The following LMX1A variants were observed in gnomAD, a reference collection of about 807,000 sequenced individuals.
LMX1A encodes LIM homeobox transcription factor 1 alpha.
In LMX1A, 15 loss-of-function variants were observed where a neutral mutation model predicts 49.1. The ratio of observed to expected loss-of-function variants is 0.31; its 90% CI spans 0.20 to 0.47. LMX1A has a LOEUF of 0.47. Ranked by LOEUF, LMX1A falls within the 20% of genes least tolerant of loss-of-function variation. The probability of loss-of-function intolerance (pLI) is 1.00; values close to 1 mark genes in which losing one functional copy is unlikely to be tolerated. For missense variants in LMX1A, 372 were observed against 475.8 expected (o/e 0.78, Z 2.03); for synonymous variants, 167 against 185.7 (o/e 0.90, Z 0.82).
At chr1:165,339,257 G>C (rs1161815139) in intron 3 of LMX1A, among the ~76,000 whole-genome samples, 1 of 152,206 alleles carries the variant, frequency 6.6e-6, no homozygotes, top group South Asian at 2.1e-4. Flanking sequence ...TGTTACTGCA[G>C]TCTGGTTAAC....
chr1:165,291,891 G>C (rs1488911186), intron 3 of LMX1A, among the ~76,000 whole-genome samples: 2 of 151,654 alleles, frequency 1.3e-5, no homozygotes, highest in Non-Finnish European at 2.9e-5. Flanking sequence ...GTGAAACCCC[G>C]TCTCTACTAA....
At chr1:165,256,774 G>A (rs965837497) in intron 3 of LMX1A, among the ~76,000 whole-genome samples, 5 of 152,074 alleles carry the variant, frequency 3.3e-5, no homozygotes, top group Non-Finnish European at 5.9e-5. Flanking sequence ...AGACAAGAAT[G>A]TTTCAAAAGC....
chr1:165,330,701 C>T (rs1407610665), intron 3 of LMX1A, among the ~76,000 whole-genome samples: 1 of 152,144 alleles, frequency 6.6e-6, no homozygotes, highest in African/African-American at 2.4e-5. Flanking sequence ...TTTAGTCATA[C>T]AGGGTAACTA....
intron 3 of LMX1A, among the ~76,000 whole-genome samples, chr1:165,347,181 A>AG (rs1277635691): frequency 6.6e-6 from 1 of 152,194 alleles, no homozygotes; most frequent in Non-Finnish European, 1.5e-5. Context: ...GGCCCTTCTA[A>AG]GGGGGCACAA....
chr1:165,334,891 G>C (rs1210070894), intron 3 of LMX1A, among the ~76,000 whole-genome samples: 2 of 146,636 alleles, frequency 1.4e-5, no homozygotes. Context: ...AACGCAGTCA[G>C]TCTCAGGAGG....
chr1:165,221,720 G>T (rs1030945126), intron 4 of LMX1A, among the ~76,000 whole-genome samples: 2 of 152,204 alleles, frequency 1.3e-5, no homozygotes, highest in African/African-American at 4.8e-5. Context: ...CGGCCTGGAT[G>T]CCTCTCCCTT....
intron 3 of LMX1A, among the ~76,000 whole-genome samples, chr1:165,280,842 T>G (rs1654124984): frequency 6.6e-6 from 1 of 151,952 alleles, no homozygotes; most frequent in African/African-American, 2.4e-5. Context: ...CCCCACCGCA[T>G]GGTATCCCAG....
At chr1:165,244,856 G>A (rs1189881120) in intron 4 of LMX1A, among the ~76,000 whole-genome samples, 7 of 2,936 alleles carry the variant, frequency 2.4e-3, no homozygotes, top group Admixed American at 0.019. Flanking sequence ...AAGTTGCCCA[G>A]TGTCAAAAAA....
intron 7 of LMX1A, among the ~76,000 whole-genome samples, chr1:165,206,319 T>G (rs1651078110): frequency 6.6e-6 from 1 of 152,180 alleles, no homozygotes; most frequent in Admixed American, 6.5e-5. Flanking sequence ...CTAAAGATCT[T>G]TCTACGATAA....
At chr1:165,293,770 G>A (rs1654543092) in intron 3 of LMX1A, among the ~76,000 whole-genome samples, 1 of 152,156 alleles carries the variant, frequency 6.6e-6, no homozygotes, top group African/African-American at 2.4e-5. Context: ...GAGTGGAAGG[G>A]ATGACCAGCC....
intron 3 of LMX1A, among the ~76,000 whole-genome samples, chr1:165,251,639 C>T (rs146942076): frequency 1.3e-5 from 2 of 152,224 alleles, no homozygotes; most frequent in East Asian, 3.9e-4. Flanking sequence ...CTCCAGTATA[C>T]AAAATTACTC....
At chr1:165,270,847 C>G (rs140995340) in intron 3 of LMX1A, among the ~76,000 whole-genome samples, 1 of 152,240 alleles carries the variant, frequency 6.6e-6, no homozygotes, top group African/African-American at 2.4e-5. Context: ...ACTGGGATCC[C>G]GTATCCCAAT....
intron 3 of LMX1A, among the ~76,000 whole-genome samples, chr1:165,279,880 C>A (rs1276231629): frequency 6.6e-6 from 1 of 151,446 alleles, no homozygotes; most frequent in African/African-American, 2.4e-5. Context: ...ATCTCGTGGT[C>A]CCCCTCTCCC....
intron 3 of LMX1A, among the ~76,000 whole-genome samples, chr1:165,309,790 A>G (rs976691969): frequency 1.3e-5 from 2 of 152,216 alleles, no homozygotes; most frequent in African/African-American, 4.8e-5. Context: ...AAGCCAAATC[A>G]TAGCATCGCA....
In LMX1A at chr1:165,340,036, A is replaced by G. The variant is rs564736082; in HGVS notation, c.263+13040T>C. ...GCCACATCACTCCCCCTATTTCTTC[A>G]ACTTCTTTTTACTATATAGCCTTTA... On this transcript the variant is annotated intron_variant, in intron 3 of 8. Transcript: ENST00000342310. Among the ~76,000 whole-genome samples the G allele has an allele frequency of 7.9e-5, 12 of 151,904 alleles. No individual in the cohort carries two copies. In the South Asian group the frequency reaches 2.5e-3, roughly 32 times the overall value.
rs527832394 is a variant in LMX1A, at chr1:165,207,155, G to A, written c.817+908C>T. On this transcript the variant is annotated intron_variant, in intron 7 of 8. Coordinates refer to ENST00000342310, the MANE Select transcript of LMX1A (RefSeq NM_177398.4). Reference sequence around the variant, plus strand: ...AGACCTTCCTTATGAATTGGAATCTGCACCTTACCAAAATCGCAGGTGACT... The same window carrying A: ...AGACCTTCCTTATGAATTGGAATCTACACCTTACCAAAATCGCAGGTGACT... Among the ~76,000 whole-genome samples the A allele has an allele frequency of 1.1e-4, 16 of 152,294 alleles. No homozygotes were observed. The East Asian group carries it at 3.1e-3, about 29-fold the overall frequency.
chr1:165,225,410 T>C (rs1651997965), intron 4 of LMX1A, among the ~76,000 whole-genome samples: 1 of 152,238 alleles, frequency 6.6e-6, no homozygotes, highest in Non-Finnish European at 1.5e-5. Context: ...TTATTTCCCT[T>C]AGGTGAAATT....
rs370143958 is a variant in LMX1A, at chr1:165,208,322, T to C, written c.748-190A>G. Among the ~76,000 whole-genome samples the C allele has an allele frequency of 3.5e-4, 53 of 152,292 alleles. No individual in the cohort carries two copies. The South Asian group carries it at 5.4e-3, about 15-fold the overall frequency. On this transcript the variant is annotated intron_variant, in intron 6 of 8. Coordinates refer to ENST00000342310, the MANE Select transcript of LMX1A (RefSeq NM_177398.4). ...GCATTGCAGCTGAGAGCTCTTCCAC[T>C]CTGCAGCAGTATAAAGACAGCTGGC...
At chr1:165,329,352 G>A in intron 3 of LMX1A, among the ~76,000 whole-genome samples, 1 of 152,100 alleles carries the variant, frequency 6.6e-6, no homozygotes, top group Non-Finnish European at 1.5e-5. Context: ...GTGGGGACAG[G>A]GAGCCAAACC....
Sources: allele counts gnomAD v4.1 joint callset (sites outside exome capture counted in the v4.1 genomes callset), GRCh38; gene constraint gnomAD v4.1.1; transcripts MANE v1.5; gene names NCBI Gene and HGNC (gene_info 2026-07-23, HGNC 2026-07-21).